The following ASAP1 variants were observed in gnomAD, a reference collection of about 807,000 sequenced individuals.
The protein encoded by ASAP1 is ArfGAP with SH3 domain, ankyrin repeat and PH domain 1.
ASAP1 carries 43 observed loss-of-function variants against 145.2 expected under a neutral mutation model. That is an observed-to-expected ratio of 0.30 (90% CI 0.23 to 0.38). The LOEUF (loss-of-function observed/expected upper bound fraction) is 0.38. Among genes scored for constraint, ASAP1 ranks in the 10% least tolerant of loss-of-function variants. The probability of loss-of-function intolerance (pLI) is 1.00; values close to 1 mark genes in which losing one functional copy is unlikely to be tolerated. For synonymous variants in ASAP1, 546 were observed against 515.5 expected (o/e 1.06, Z -0.80); for missense variants, 1,018 against 1,355.3 (o/e 0.75, Z 3.91).
intron 27 of ASAP1, among the ~76,000 whole-genome samples, chr8:130,071,316 C>T (rs2097446089): frequency 6.6e-6 from 1 of 152,150 alleles, no homozygotes; most frequent in African/African-American, 2.4e-5. Context: ...AAACTGTAAC[C>T]ATGTTTTTAA....
chr8:130,277,199 A>G (rs541693941), intron 3 of ASAP1, among the ~76,000 whole-genome samples: 1 of 152,264 alleles, frequency 6.6e-6, no homozygotes, highest in Admixed American at 6.5e-5. Flanking sequence ...GAGACTGGAG[A>G]GAAAGCAGCT....
chr8:130,418,915 G>T (rs1192296749), intron 1 of ASAP1, among the ~76,000 whole-genome samples: 1 of 152,068 alleles, frequency 6.6e-6, no homozygotes, highest in East Asian at 1.9e-4. Context: ...TGTGGAAGGG[G>T]CTTCAGTTCA....
intron 3 of ASAP1, among the ~76,000 whole-genome samples, chr8:130,295,778 A>AT (rs1002976394): frequency 1.3e-4 from 20 of 150,936 alleles, no homozygotes; most frequent in South Asian, 4.2e-4. Flanking sequence ...GTGGCACAAG[A>AT]TTTTTTTTTT....
intron 3 of ASAP1, among the ~76,000 whole-genome samples, chr8:130,286,481 G>A (rs1821621162): frequency 1.3e-5 from 2 of 152,148 alleles, no homozygotes; most frequent in South Asian, 4.1e-4. Context: ...ATGTACTGAT[G>A]GAGTTGTAGT....
chr8:130,097,126 C>CAAAAAAAAAAAAAAAAAAAAA (rs61591724), intron 24 of ASAP1, among the ~76,000 whole-genome samples: 2 of 53,568 alleles, frequency 3.7e-5, no homozygotes, highest in Non-Finnish European at 6.3e-5. Context: ...AGTTAGTCTC[C>CAAAAAAAAAAAAAAAAAAAAA]AAAAAAAAAA....
chr8:130,080,103 C>G (rs1256222376), intron 25 of ASAP1, 132 bp from the exon 26 acceptor site: 1 of 772,054 alleles, frequency 1.3e-6, no homozygotes, highest in Non-Finnish European at 2.2e-6. Context: ...GCCAAAACGG[C>G]ATGCATTTCT....
chr8:130,143,091 T>G (rs1048970833), intron 13 of ASAP1, among the ~76,000 whole-genome samples: 5 of 152,166 alleles, frequency 3.3e-5, no homozygotes, highest in Admixed American at 2.6e-4. Flanking sequence ...GTGCAGAAAT[T>G]TGAATGGTGA....
Position 130,109,623 on chromosome 8 carries a change from G to C in ASAP1, c.2401+2471C>G, listed in dbSNP as rs1408983009. Among the ~76,000 whole-genome samples the C allele has an allele frequency of 5.9e-5, 9 of 152,126 alleles. No individual in the cohort carries two copies. In the East Asian group the frequency reaches 1.7e-3, roughly 29 times the overall value. ...AAGGCATCCTTGTTTTCATGCAAAT[G>C]GTTCTATCAGCTCAACAGAAGGAAA... On this transcript the variant is annotated intron_variant, in intron 24 of 29. Coordinates refer to ENST00000518721, the MANE Select transcript of ASAP1 (RefSeq NM_018482.4).
intron 3 of ASAP1, among the ~76,000 whole-genome samples, chr8:130,248,248 A>T (rs889738559): frequency 1.3e-5 from 2 of 152,030 alleles, no homozygotes; most frequent in Non-Finnish European, 2.9e-5. Flanking sequence ...GGAGTGCGGA[A>T]TGAACAGGCA....
chr8:130,180,982 T>C, intron 7 of ASAP1, 102 bp from the exon 8 acceptor site: 1 of 1,074,146 alleles, frequency 9.3e-7, no homozygotes, highest in Non-Finnish European at 1.3e-6. Context: ...GGTGACGATG[T>C]GTCTATGTAG....
At chr8:130,199,082 T>C (rs1197907245) in intron 5 of ASAP1, among the ~76,000 whole-genome samples, 1 of 152,202 alleles carries the variant, frequency 6.6e-6, no homozygotes, top group African/African-American at 2.4e-5. Flanking sequence ...TTCTAAATAA[T>C]AAATAAGTCC....
chr8:130,217,060 G>C (rs1816970908), intron 4 of ASAP1, among the ~76,000 whole-genome samples: 2 of 152,174 alleles, frequency 1.3e-5, no homozygotes, highest in African/African-American at 4.8e-5. Context: ...AAGGAGTACT[G>C]CATTTCCCCA....
At chr8:130,249,173 T>C (rs1031017463) in intron 3 of ASAP1, among the ~76,000 whole-genome samples, 5 of 152,052 alleles carry the variant, frequency 3.3e-5, no homozygotes, top group Non-Finnish European at 7.4e-5. Context: ...CCTCCACCCA[T>C]CCATCTTCCG....
intron 11 of ASAP1, among the ~76,000 whole-genome samples, chr8:130,165,672 G>C (rs2097678511): frequency 6.6e-6 from 1 of 152,146 alleles, no homozygotes; most frequent in Non-Finnish European, 1.5e-5. Context: ...GATGTTCCTG[G>C]CCACTCTGCC....
intron 2 of ASAP1, among the ~76,000 whole-genome samples, chr8:130,376,903 CAAA>C (rs34006260): frequency 7.7e-5 from 2 of 26,002 alleles, no homozygotes. Context: ...AACTCCATCT[CAAA>C]AAAAAAAAAA....
chr8:130,139,133 G>A (rs2097603083), intron 13 of ASAP1, among the ~76,000 whole-genome samples: 1 of 152,172 alleles, frequency 6.6e-6, no homozygotes, highest in Non-Finnish European at 1.5e-5. Context: ...AGCTTGGGGA[G>A]ATGAAGAGAT....
In ASAP1 at chr8:130,358,189, G is replaced by C. The variant is rs747510557; in HGVS notation, c.60-46C>G. ...CAAGCGGGGGCGGGGGGTGAGTCACGGCGCAGGCTCCCGGGGCCGCGGGCC... is the reference window on the plus strand; with the variant it reads ...CAAGCGGGGGCGGGGGGTGAGTCACCGCGCAGGCTCCCGGGGCCGCGGGCC... On this transcript the variant is annotated intron_variant, in intron 2 of 29. Transcript: ENST00000518721. This position sits in a 1 kb window ranked among gnomAD's most constrained non-coding sequence, Gnocchi z 4.1. 4 of 1,549,348 alleles carry C rather than the reference G, an allele frequency of 2.6e-6. No homozygotes were observed. The Admixed American group carries it at 7.0e-5, about 27-fold the overall frequency.
rs529410204 is a variant in ASAP1, at chr8:130,066,016, G to A, written c.2702-4947C>T. Among the ~76,000 whole-genome samples, 33 of 152,214 alleles carry A rather than the reference G, an allele frequency of 2.2e-4. 1 individual carries two copies. Among genetic ancestry groups the A allele is most frequent in the African/African-American group, 7.2e-4 (30 of 41,538 alleles). ...ACTCAACCTCCCAATACATCTGATC[G>A]TATCAGTATTATCATAAAGCTTATT... On this transcript the variant is annotated intron_variant, in intron 27 of 29. Transcript: ENST00000518721.
chr8:130,298,443 C>A (rs184301726), intron 3 of ASAP1, among the ~76,000 whole-genome samples: 1 of 152,288 alleles, frequency 6.6e-6, no homozygotes, highest in East Asian at 1.9e-4. Flanking sequence ...ATCTCCTCTT[C>A]GAGGCCAGGC....
Sources: allele counts gnomAD v4.1 joint callset (sites outside exome capture counted in the v4.1 genomes callset), GRCh38; gene constraint gnomAD v4.1.1; non-coding constraint Gnocchi (gnomAD v3.1); transcripts MANE v1.5; gene names NCBI Gene and HGNC (gene_info 2026-07-23, HGNC 2026-07-21).